PPHLN1: variants seen among roughly 807,000 people sequenced by gnomAD.
PPHLN1 encodes periphilin-1.
A neutral mutation model predicts 51.3 loss-of-function variants in PPHLN1; 29 were observed. The ratio of observed to expected loss-of-function variants is 0.57; its 90% CI spans 0.42 to 0.77. The LOEUF (loss-of-function observed/expected upper bound fraction) is 0.77, where lower values mean the gene tolerates loss of function less well. PPHLN1 is among the 30% of genes least tolerant of loss of function. The pLI is 0.00. For synonymous variants in PPHLN1, 147 were observed against 147.8 expected, an observed-to-expected ratio of 0.99 and a Z score of 0.04; for missense variants, 436 against 438.4, an observed-to-expected ratio of 0.99 and a Z score of 0.05.
At chr12:42,368,717 A>G (rs915543715) in intron 4 of PPHLN1, among the ~76,000 whole-genome samples, 6 of 152,260 alleles carry the variant, frequency 3.9e-5, no homozygotes, top group Admixed American at 3.9e-4. Context: ...TCTATGCAAC[A>G]TATTTTAAGA....
chr12:42,328,908 A>T (rs966673015), intron 1 of PPHLN1, among the ~76,000 whole-genome samples: 1 of 151,940 alleles, frequency 6.6e-6, no homozygotes, highest in African/African-American at 2.4e-5. Context: ...GAGACGGGGT[A>T]TTACTATGTT....
At chr12:42,420,434 G>A (rs1317218590) in intron 9 of PPHLN1, among the ~76,000 whole-genome samples, 2 of 150,766 alleles carry the variant, frequency 1.3e-5, no homozygotes, top group Non-Finnish European at 3.0e-5. Flanking sequence ...GGCAGAAATT[G>A]TATGACTGTG....
At chr12:42,393,448 C>CAA in intron 7 of PPHLN1, 122 bp from the exon 8 acceptor site, 1 of 922,268 alleles carries the variant, frequency 1.1e-6, no homozygotes, top group Non-Finnish European at 1.6e-6. Flanking sequence ...AAAGAATGTA[C>CAA]CTGTTCTCCA....
intron 1 of PPHLN1, among the ~76,000 whole-genome samples, chr12:42,326,933 A>C (rs1475460571): frequency 6.6e-6 from 1 of 152,158 alleles, no homozygotes; most frequent in Non-Finnish European, 1.5e-5. Context: ...CTGCACAATC[A>C]ATCCAGAGTG....
intron 4 of PPHLN1, among the ~76,000 whole-genome samples, chr12:42,362,792 C>T (rs898951382): frequency 6.6e-6 from 1 of 152,202 alleles, no homozygotes; most frequent in Non-Finnish European, 1.5e-5. Context: ...AGAGACAGTC[C>T]TCCATGGGTG....
At position 42,406,085 on chromosome 12, in the gene PPHLN1, G is replaced by GTTT. The variant is rs1565956977; in HGVS notation, c.909+7091_909+7092insTTT. ...GATTCTTAACATTATAGTTTAGTCT[G>GTTT]GTTTTTTTTTTTTTTTGAGACAGAG... On this transcript the variant is annotated intron_variant, in intron 9 of 9. Transcript: ENST00000358314. 3.4e-4 allele frequency among the ~76,000 whole-genome samples: 41 copies of GTTT among 120,902 alleles called. No homozygotes were observed. In the East Asian group the frequency reaches 8.2e-3, roughly 24 times the overall value. The allele number at this position is 120,902 out of a possible 152,430, so 79.3% of individuals were successfully genotyped here.
chr12:42,408,379 C>CTTT (rs35437760), intron 9 of PPHLN1, among the ~76,000 whole-genome samples: 1 of 142,318 alleles, frequency 7.0e-6, no homozygotes, highest in East Asian at 2.0e-4. Context: ...AGTGTGGTGG[C>CTTT]TTTTTTTTTT....
At chr12:42,437,947 T>C (rs1485168765) in intron 9 of PPHLN1, among the ~76,000 whole-genome samples, 1 of 152,228 alleles carries the variant, frequency 6.6e-6, no homozygotes, top group Non-Finnish European at 1.5e-5. Flanking sequence ...TCATAGTGTA[T>C]AACCTTTTCA....
chr12:42,357,101 C>T (rs967979200), intron 4 of PPHLN1, among the ~76,000 whole-genome samples: 21 of 152,032 alleles, frequency 1.4e-4, no homozygotes, highest in Non-Finnish European at 2.4e-4. Flanking sequence ...AAGGAAATTA[C>T]AAATCATTTC....
intron 2 of PPHLN1, 32 bp from the exon 3 acceptor site, chr12:42,351,853 C>T: frequency 2.0e-6 from 3 of 1,512,532 alleles, no homozygotes; most frequent in Non-Finnish European, 2.6e-6. Context: ...AGAAATTAGT[C>T]ATTTGTATAT....
At chr12:42,356,772 C>T (rs1358381899) in intron 4 of PPHLN1, among the ~76,000 whole-genome samples, 2 of 152,182 alleles carry the variant, frequency 1.3e-5, no homozygotes, top group African/African-American at 2.4e-5. Context: ...AAATTAGAAA[C>T]ATTTGCTTTA....
intron 7 of PPHLN1, among the ~76,000 whole-genome samples, chr12:42,393,304 G>A (rs1193364827): frequency 6.6e-6 from 1 of 152,050 alleles, no homozygotes; most frequent in East Asian, 1.9e-4. Flanking sequence ...AATTGTCAGT[G>A]TCTTTTGCTT....
intron 2 of PPHLN1, among the ~76,000 whole-genome samples, chr12:42,346,480 A>G (rs1236358570): frequency 6.6e-6 from 1 of 152,182 alleles, no homozygotes; most frequent in Non-Finnish European, 1.5e-5. Context: ...TTCTTGATCC[A>G]TTTGTTCATC....
chr12:42,422,860 C>G (rs2081123495), intron 9 of PPHLN1, among the ~76,000 whole-genome samples: 1 of 152,176 alleles, frequency 6.6e-6, no homozygotes, highest in Non-Finnish European at 1.5e-5. Context: ...ATTCCTACCT[C>G]AAATCCTTGG....
intron 2 of PPHLN1, among the ~76,000 whole-genome samples, chr12:42,345,624 A>G (rs1406310897): frequency 1.3e-5 from 2 of 150,622 alleles, no homozygotes; most frequent in East Asian, 3.9e-4. Context: ...GATATATATT[A>G]ATATTTATAT....
intron 9 of PPHLN1, among the ~76,000 whole-genome samples, chr12:42,423,086 C>G (rs1186000202): frequency 6.7e-6 from 1 of 150,352 alleles, no homozygotes; most frequent in African/African-American, 2.5e-5. Flanking sequence ...AAGTATTTCT[C>G]TGATTCTTGG....
chr12:42,386,792 T>A (rs2077232010), intron 6 of PPHLN1, among the ~76,000 whole-genome samples: 1 of 152,242 alleles, frequency 6.6e-6, no homozygotes, highest in Non-Finnish European at 1.5e-5. Flanking sequence ...TACTATTGTT[T>A]AAATGTATTT....
chr12:42,385,008 G>T lies in PPHLN1; in HGVS notation c.568+12G>T. 1 of 1,596,640 alleles carries T rather than the reference G, an allele frequency of 6.3e-7. No homozygotes were observed. Among genetic ancestry groups the T allele is most frequent in the Non-Finnish European group, 8.6e-7 (1 of 1,164,100 alleles). On this transcript the variant is annotated intron_variant, in intron 6 of 9. Coordinates refer to ENST00000358314, the MANE Select transcript of PPHLN1 (RefSeq NM_201439.2). ...AAATCCTGAAAGAGGTGAGTTTTGAGCTAGACTCTGATTTGGGATTGTGAA... is the reference window on the plus strand; with the variant it reads ...AAATCCTGAAAGAGGTGAGTTTTGATCTAGACTCTGATTTGGGATTGTGAA...
chr12:42,374,763 C>G, intron 4 of PPHLN1, 100 bp from the exon 5 acceptor site: 1 of 1,037,226 alleles, frequency 9.6e-7, no homozygotes, highest in Non-Finnish European at 1.4e-6. Context: ...CCCAAGAGTA[C>G]AATTTAAAGG....
Sources: gnomAD v4.1 joint callset for allele counts (sites outside exome capture counted in the v4.1 genomes callset) on GRCh38, gnomAD v4.1.1 for gene constraint, MANE v1.5 for transcripts, NCBI Gene and HGNC (gene_info 2026-07-23, HGNC 2026-07-21) for gene names.